The following CENPC variants were observed in gnomAD, a reference collection of about 807,000 sequenced individuals.
CENPC encodes centromere protein C.
Under a neutral mutation model 112.1 loss-of-function variants are expected in CENPC, and 63 were observed. That is an observed-to-expected ratio of 0.56 (90% CI 0.46 to 0.69). CENPC has a LOEUF of 0.69. CENPC is among the 30% of genes least tolerant of loss of function. CENPC has a pLI of 0.00. For synonymous variants in CENPC, 333 were observed against 367.6 expected (o/e 0.91, Z 1.08); for missense variants, 1,000 against 1,103.8 (o/e 0.91, Z 1.33).
chr4:67,493,434 C>A (rs1484457335), intron 14 of CENPC: 1 of 170,078 alleles, frequency 5.9e-6, no homozygotes, highest in African/African-American at 2.4e-5. Flanking sequence ...ACTGCTTGAG[C>A]CCATAAGATG....
chr4:67,484,044 T>G (rs1046677896), intron 17 of CENPC, among the ~76,000 whole-genome samples: 7 of 152,208 alleles, frequency 4.6e-5, no homozygotes, highest in Non-Finnish European at 8.8e-5. Context: ...GTCTTCACAT[T>G]TACTCAGCAC....
In CENPC at chr4:67,544,117, A is replaced by G. The variant is rs1298063225; in HGVS notation, c.65+32T>C. 3.3e-6 allele frequency: 4 copies of G among 1,197,654 alleles called. No homozygotes were observed. The African/African-American group carries it at 6.0e-5, about 18-fold the overall frequency. The allele number at this position is 1,197,654 out of a possible 1,614,324, so 74.2% of individuals were successfully genotyped here. Reference sequence around the variant, plus strand: ...AAAATCTATTAACGATGAGAATAAAAATAATCTTAAAAGCTTAAGTACGTA... The same window carrying G: ...AAAATCTATTAACGATGAGAATAAAGATAATCTTAAAAGCTTAAGTACGTA... On this transcript the variant is annotated intron_variant, in intron 2 of 18. Transcript: ENST00000273853.
At chr4:67,524,136 C>T (rs1462908161) in intron 5 of CENPC, among the ~76,000 whole-genome samples, 2 of 151,554 alleles carry the variant, frequency 1.3e-5, no homozygotes, top group African/African-American at 2.4e-5. Flanking sequence ...AATGATAAAC[C>T]TCTATCTAAC....
intron 5 of CENPC, among the ~76,000 whole-genome samples, chr4:67,527,912 T>C (rs1726431458): frequency 6.6e-6 from 1 of 152,092 alleles, no homozygotes; most frequent in East Asian, 1.9e-4. Context: ...TTATTTTAAG[T>C]GGCACAGTAC....
chr4:67,512,610 A>C (rs191490819), intron 8 of CENPC, 41 bp from the exon 9 acceptor site: 389 of 1,377,176 alleles, frequency 2.8e-4, no homozygotes, highest in Admixed American at 1.3e-3. Flanking sequence ...ACAATCTACT[A>C]AAAGAGTTTT....
chr4:67,505,413 A>C, intron 11 of CENPC, 129 bp from the exon 12 acceptor site: 1 of 625,374 alleles, frequency 1.6e-6, no homozygotes, highest in Non-Finnish European at 2.8e-6. Context: ...GTGATGTTAC[A>C]AGTCATCAAA....
At chr4:67,511,201 C>T (rs1725883757) in intron 9 of CENPC, among the ~76,000 whole-genome samples, 1 of 152,112 alleles carries the variant, frequency 6.6e-6, no homozygotes, top group Non-Finnish European at 1.5e-5. Flanking sequence ...AAGAGTGATA[C>T]TTTGAACTCA....
intron 5 of CENPC, among the ~76,000 whole-genome samples, chr4:67,524,939 A>G (rs1411276580): frequency 6.6e-6 from 1 of 152,208 alleles, no homozygotes. Context: ...CTATAAGGCT[A>G]CAGTAACCAA....
chr4:67,537,389 C>A (rs896928775), intron 4 of CENPC, among the ~76,000 whole-genome samples: 1 of 152,152 alleles, frequency 6.6e-6, no homozygotes, highest in African/African-American at 2.4e-5. Context: ...AGGCACAGTG[C>A]TCATGCCTGT....
At chr4:67,511,573 G>A (rs1183986071) in intron 9 of CENPC, among the ~76,000 whole-genome samples, 1 of 152,114 alleles carries the variant, frequency 6.6e-6, no homozygotes, top group Non-Finnish European at 1.5e-5. Flanking sequence ...GATTGTTCCC[G>A]TCATTTCCTA....
At chr4:67,501,269 C>T (rs1260115014) in intron 12 of CENPC, among the ~76,000 whole-genome samples, 4 of 152,154 alleles carry the variant, frequency 2.6e-5, no homozygotes, top group African/African-American at 9.7e-5. Context: ...GATCACACAA[C>T]TGCACTCCAG....
intron 7 of CENPC, 104 bp from the exon 8 acceptor site, chr4:67,514,791 G>A: frequency 8.8e-7 from 1 of 1,141,238 alleles, no homozygotes; most frequent in South Asian, 1.8e-5. Context: ...CTTTTAAACT[G>A]TTTATATATC....
chr4:67,502,840 C>T (rs547940327), intron 12 of CENPC, among the ~76,000 whole-genome samples: 4 of 152,150 alleles, frequency 2.6e-5, no homozygotes, highest in Admixed American at 6.6e-5. Flanking sequence ...TTATACACCA[C>T]GTATCGTCCA....
At chr4:67,500,339 T>C (rs1025156747) in intron 12 of CENPC, among the ~76,000 whole-genome samples, 1 of 152,188 alleles carries the variant, frequency 6.6e-6, no homozygotes, top group African/African-American at 2.4e-5. Flanking sequence ...TTGTATATGG[T>C]GTGTACATAT....
At chr4:67,524,164 G>C (rs187890014) in intron 5 of CENPC, among the ~76,000 whole-genome samples, 84 of 151,930 alleles carry the variant, frequency 5.5e-4, no homozygotes, top group Non-Finnish European at 1.1e-3. Context: ...ACAACTATAA[G>C]AAGACACCAA....
chr4:67,526,251 G>A (rs1726374091), intron 5 of CENPC, among the ~76,000 whole-genome samples: 1 of 151,920 alleles, frequency 6.6e-6, no homozygotes, highest in Non-Finnish European at 1.5e-5. Context: ...CGGGTTGATA[G>A]GTGCAGCAAA....
intron 17 of CENPC, among the ~76,000 whole-genome samples, chr4:67,485,899 G>T (rs1404533269): frequency 6.6e-6 from 1 of 151,744 alleles, no homozygotes; most frequent in African/African-American, 2.4e-5. Flanking sequence ...AAATGGCAAA[G>T]GGGGGGAGTT....
chr4:67,487,892 C>T (rs573894786), intron 17 of CENPC, among the ~76,000 whole-genome samples: 4 of 151,614 alleles, frequency 2.6e-5, no homozygotes, highest in Admixed American at 1.3e-4. Context: ...TGCTGGTTCT[C>T]CATCTTGTCC....
At chr4:67,534,980 A>G (rs1456243113) in intron 4 of CENPC, among the ~76,000 whole-genome samples, 1 of 152,154 alleles carries the variant, frequency 6.6e-6, no homozygotes, top group Non-Finnish European at 1.5e-5. Context: ...TTAGATCACT[A>G]AAGACAGATG....
Sources: gnomAD v4.1 joint callset for allele counts (sites outside exome capture counted in the v4.1 genomes callset) on GRCh38, gnomAD v4.1.1 for gene constraint, MANE v1.5 for transcripts, NCBI Gene and HGNC (gene_info 2026-07-23, HGNC 2026-07-21) for gene names.